Variants in ZDHHC7 observed in about 807,000 individuals in gnomAD.
The protein encoded by ZDHHC7 is palmitoyltransferase ZDHHC7.
Under a neutral mutation model 34.1 loss-of-function variants are expected in ZDHHC7, and 12 were observed. That is an observed-to-expected ratio of 0.35 (90% confidence interval 0.23 to 0.57). ZDHHC7 has a LOEUF of 0.57. Ranked by LOEUF, ZDHHC7 falls within the 20% of genes least tolerant of loss-of-function variation. The pLI, the probability that ZDHHC7 is intolerant of heterozygous loss-of-function variation, is 0.84. For missense variants in ZDHHC7, 388 were observed against 402.7 expected, an observed-to-expected ratio of 0.96 and a Z score of 0.31; for synonymous variants, 185 against 155.4, an observed-to-expected ratio of 1.19 and a Z score of -1.42.
intron 1 of ZDHHC7, among the ~76,000 whole-genome samples, chr16:84,996,687 G>A (rs1296582708): frequency 1.3e-5 from 2 of 152,086 alleles, no homozygotes; most frequent in East Asian, 3.9e-4. Context: ...GGAAACCCCC[G>A]CCACGGACAC....
chr16:84,987,302 G>A (rs1169113999), intron 3 of ZDHHC7, among the ~76,000 whole-genome samples: 1 of 152,228 alleles, frequency 6.6e-6, no homozygotes. Flanking sequence ...ATGAAATGAT[G>A]CTCAACATCG....
chr16:85,010,040 A>C (rs2072770279), intron 1 of ZDHHC7, among the ~76,000 whole-genome samples: 1 of 127,326 alleles, frequency 7.9e-6, no homozygotes, highest in Non-Finnish European at 1.6e-5. Flanking sequence ...AATTTAACAA[A>C]GTGACTTTTT....
At chr16:85,004,321 G>A (rs1041886843) in intron 1 of ZDHHC7, among the ~76,000 whole-genome samples, 3 of 151,586 alleles carry the variant, frequency 2.0e-5, no homozygotes, top group East Asian at 1.9e-4. Flanking sequence ...CTCCTCACCC[G>A]CCCAGACCAA....
At chr16:85,016,516 C>T (rs1316901465), upstream of ZDHHC7, among the ~76,000 whole-genome samples, 1 of 151,462 alleles carries the variant, frequency 6.6e-6, no homozygotes, top group Non-Finnish European at 1.5e-5. Flanking sequence ...AGTGCAGTAG[C>T]CCTGTTATAA....
chr16:84,988,768 G>C, intron 3 of ZDHHC7: 1 of 1,551,518 alleles, frequency 6.4e-7, no homozygotes, highest in Middle Eastern at 1.8e-4. Flanking sequence ...CTCACAAGCA[G>C]GAGGCTTTGC....
intron 7 of ZDHHC7, among the ~76,000 whole-genome samples, 164 bp from the exon 8 acceptor site, chr16:84,976,683 G>A (rs1011990746): frequency 2.0e-5 from 3 of 152,222 alleles, no homozygotes; most frequent in Non-Finnish European, 4.4e-5. Flanking sequence ...CGTGGCCTCT[G>A]TGAGCCCAGC....
intron 1 of ZDHHC7, among the ~76,000 whole-genome samples, chr16:85,009,473 G>A (rs2072760037): frequency 6.6e-6 from 1 of 151,052 alleles, no homozygotes; most frequent in South Asian, 2.1e-4. Flanking sequence ...TGTCAACTGA[G>A]GCAGGCTCTG....
intron 6 of ZDHHC7, among the ~76,000 whole-genome samples, chr16:84,977,637 T>TATTTTC (rs1208679933): frequency 2.0e-5 from 3 of 152,178 alleles, no homozygotes; most frequent in South Asian, 2.1e-4. Context: ...AACGAGCACC[T>TATTTTC]ATTTTCACTA....
At chr16:85,020,364 C>G in the ZDHHC7 span, among the ~76,000 whole-genome samples, 1 of 152,316 alleles carries the variant, frequency 6.6e-6, no homozygotes, top group East Asian at 1.9e-4. Context: ...GTGAGCAAAG[C>G]TAGGCAAAGC....
chr16:85,000,574 T>C (rs1250816459), intron 1 of ZDHHC7, among the ~76,000 whole-genome samples: 3 of 152,216 alleles, frequency 2.0e-5, no homozygotes, highest in East Asian at 3.8e-4. Flanking sequence ...CATGTTTATA[T>C]TAAAATACTA....
upstream of ZDHHC7, among the ~76,000 whole-genome samples, chr16:85,013,991 T>C (rs1359082132): frequency 6.6e-6 from 1 of 152,152 alleles, no homozygotes; most frequent in East Asian, 1.9e-4. Flanking sequence ...CTCAGCCTAA[T>C]TTGTCTTTGT....
At chr16:85,021,641 C>G in the ZDHHC7 span, among the ~76,000 whole-genome samples, 5 of 151,966 alleles carry the variant, frequency 3.3e-5, no homozygotes, top group African/African-American at 1.2e-4. Context: ...TCACTTGAAC[C>G]CAAGAGACGG....
the ZDHHC7 span, among the ~76,000 whole-genome samples, chr16:85,025,625 GTCTCAA>G: frequency 6.6e-6 from 1 of 152,118 alleles, no homozygotes; most frequent in South Asian, 2.1e-4. Context: ...GGCCAGGATG[GTCTCAA>G]TCTCTTGACC....
chr16:85,006,795 C>T (rs2072722595), intron 1 of ZDHHC7, among the ~76,000 whole-genome samples: 1 of 152,112 alleles, frequency 6.6e-6, no homozygotes, highest in Non-Finnish European at 1.5e-5. Flanking sequence ...GTCACAAAAT[C>T]AACCTGTTGC....
intron 3 of ZDHHC7, among the ~76,000 whole-genome samples, chr16:84,985,692 C>A (rs1203547088): frequency 6.6e-6 from 1 of 152,120 alleles, no homozygotes; most frequent in African/African-American, 2.4e-5. Flanking sequence ...CGGTGACTCA[C>A]ACTTGTAATC....
At chr16:84,980,675 C>T (rs1476585753) in intron 4 of ZDHHC7, among the ~76,000 whole-genome samples, 1 of 152,038 alleles carries the variant, frequency 6.6e-6, no homozygotes, top group Non-Finnish European at 1.5e-5. Context: ...ATCCCCCCAT[C>T]CCCAAAAAAT....
At chr16:85,023,489 A>C in the ZDHHC7 span, among the ~76,000 whole-genome samples, 1 of 151,934 alleles carries the variant, frequency 6.6e-6, no homozygotes, top group Non-Finnish European at 1.5e-5. Flanking sequence ...TAAGCCAGTA[A>C]GTTTGTGGTG....
chr16:85,018,098 T>C, the ZDHHC7 span, among the ~76,000 whole-genome samples: 2 of 152,128 alleles, frequency 1.3e-5, no homozygotes, highest in African/African-American at 2.4e-5. Flanking sequence ...TTGGGTCCAG[T>C]TGGTCTCAGC....
At chr16:84,992,332 T>C (rs1482518994) in intron 2 of ZDHHC7, among the ~76,000 whole-genome samples, 1 of 85,262 alleles carries the variant, frequency 1.2e-5, no homozygotes, top group Non-Finnish European at 2.0e-5. Flanking sequence ...TCGGGCACAG[T>C]GGCAGGCGCC....
Sources: gnomAD v4.1 joint callset for allele counts (sites outside exome capture counted in the v4.1 genomes callset) on GRCh38, gnomAD v4.1.1 for gene constraint, MANE v1.5 for transcripts, NCBI Gene and HGNC (gene_info 2026-07-23, HGNC 2026-07-21) for gene names.